CSMD3: variants seen among roughly 807,000 people sequenced by gnomAD.
The protein encoded by CSMD3 is CUB and Sushi multiple domains 3, also known as CUB and sushi domain-containing protein 3.
A neutral mutation model predicts 435.2 loss-of-function variants in CSMD3; 177 were observed. The ratio of observed to expected loss-of-function variants is 0.41; its 90% CI spans 0.36 to 0.46. The LOEUF (loss-of-function observed/expected upper bound fraction) is 0.46. CSMD3 is among the 20% of genes least tolerant of loss of function. The pLI, the probability that CSMD3 is intolerant of heterozygous loss-of-function variation, is 0.34. For missense variants in CSMD3, 4,265 were observed against 4,504.6 expected, an observed-to-expected ratio of 0.95 and a Z score of 1.52; for synonymous variants, 1,656 against 1,520.5, an observed-to-expected ratio of 1.09 and a Z score of -2.07.
intron 4 of CSMD3, among the ~76,000 whole-genome samples, chr8:113,123,539 A>T (rs991735218): frequency 2.0e-5 from 3 of 152,032 alleles, no homozygotes; most frequent in African/African-American, 7.2e-5. Flanking sequence ...GTAGAAAACT[A>T]AGTTGGTCAC....
intron 20 of CSMD3, among the ~76,000 whole-genome samples, chr8:112,643,004 G>GA (rs2074876859): frequency 6.6e-6 from 1 of 152,128 alleles, no homozygotes; most frequent in Admixed American, 6.6e-5. Flanking sequence ...TGATGAACAT[G>GA]AAAATATTAT....
At chr8:112,257,989 C>T (rs918500238) in intron 61 of CSMD3, among the ~76,000 whole-genome samples, 2 of 152,142 alleles carry the variant, frequency 1.3e-5, no homozygotes, top group African/African-American at 2.4e-5. Flanking sequence ...CATCTACAAC[C>T]ATCCAATCTT....
chr8:112,828,712 T>A (rs151310610), intron 12 of CSMD3, among the ~76,000 whole-genome samples: 50 of 152,286 alleles, frequency 3.3e-4, no homozygotes, highest in African/African-American at 1.1e-3. Flanking sequence ...GGCCCATTTG[T>A]CCATCACACC....
intron 1 of CSMD3, among the ~76,000 whole-genome samples, chr8:113,374,732 TTTAA>T (rs1285738080): frequency 6.6e-6 from 1 of 151,094 alleles, no homozygotes; most frequent in Non-Finnish European, 1.5e-5. Context: ...CAGTTGTCGC[TTTAA>T]TTATCTAACT....
rs962508904 is a variant in CSMD3, at chr8:112,652,018, T to C, written c.3005-1669A>G. Among the ~76,000 whole-genome samples, 4 of 152,230 alleles carry C rather than the reference T, an allele frequency of 2.6e-5. No homozygotes were observed. The East Asian group carries it at 7.7e-4, about 29-fold the overall frequency. On this transcript the variant is annotated intron_variant, in intron 18 of 70. Coordinates refer to ENST00000297405, the MANE Select transcript of CSMD3 (RefSeq NM_198123.2). ...CAATAACATTTAGCATGTTTTTCAG[T>C]ATCTTTCATCTCCAATTTATTCTAT...
intron 63 of CSMD3, among the ~76,000 whole-genome samples, chr8:112,249,805 T>C (rs937987388): frequency 6.6e-6 from 1 of 152,016 alleles, no homozygotes; most frequent in Admixed American, 6.6e-5. Flanking sequence ...AACTTTCCTT[T>C]CCTAGCTCTT....
chr8:113,162,560 C>T (rs1169933447), intron 4 of CSMD3, among the ~76,000 whole-genome samples: 2 of 145,348 alleles, frequency 1.4e-5, no homozygotes, highest in South Asian at 2.2e-4. Context: ...AGTGAAACTC[C>T]GTCCCCACAT....
intron 1 of CSMD3, among the ~76,000 whole-genome samples, chr8:113,337,371 T>TGAC (rs2094084379): frequency 6.6e-6 from 1 of 151,976 alleles, no homozygotes; most frequent in South Asian, 2.1e-4. Context: ...TTAATAAGGG[T>TGAC]GACAAGAAAA....
chr8:112,616,725 C>T (rs1451440060), intron 22 of CSMD3, among the ~76,000 whole-genome samples: 1 of 152,072 alleles, frequency 6.6e-6, no homozygotes, highest in Non-Finnish European at 1.5e-5. Flanking sequence ...CCAAACAGGC[C>T]AGATGGCAGA....
At chr8:112,802,615 GGA>G (rs538740720) in intron 12 of CSMD3, among the ~76,000 whole-genome samples, 108 of 151,880 alleles carry the variant, frequency 7.1e-4, no homozygotes, top group Middle Eastern at 3.4e-3. Context: ...TCCATTTTAT[GGA>G]GAGCTTTTAC....
intron 16 of CSMD3, among the ~76,000 whole-genome samples, chr8:112,672,322 T>C (rs2075676314): frequency 1.3e-5 from 2 of 152,092 alleles, no homozygotes; most frequent in African/African-American, 4.8e-5. Flanking sequence ...TTACAACTTA[T>C]TATTAGTGGA....
At chr8:112,244,027 T>C (rs1451472920) in intron 65 of CSMD3, among the ~76,000 whole-genome samples, 1 of 152,150 alleles carries the variant, frequency 6.6e-6, no homozygotes, top group Admixed American at 6.6e-5. Context: ...CACAAGGTCC[T>C]GCTGACACCT....
intron 32 of CSMD3, among the ~76,000 whole-genome samples, chr8:112,456,012 GC>G (rs1816804558): frequency 9.6e-6 from 1 of 104,416 alleles, no homozygotes; most frequent in African/African-American, 3.7e-5. Flanking sequence ...AACCACACTA[GC>G]CCTATACTCT....
intron 9 of CSMD3, among the ~76,000 whole-genome samples, chr8:112,928,511 C>T (rs1468494915): frequency 6.6e-6 from 1 of 152,082 alleles, no homozygotes; most frequent in African/African-American, 2.4e-5. Flanking sequence ...CTGTTCAATT[C>T]CCACCTATGA....
chr8:113,049,846 C>A (rs2088010232), intron 5 of CSMD3, among the ~76,000 whole-genome samples: 1 of 152,056 alleles, frequency 6.6e-6, no homozygotes. Flanking sequence ...TGTATGCTAT[C>A]CATATCCATA....
At chr8:112,538,550 C>A (rs141804533) in intron 27 of CSMD3, among the ~76,000 whole-genome samples, 2 of 151,446 alleles carry the variant, frequency 1.3e-5, no homozygotes, top group South Asian at 4.2e-4. Flanking sequence ...TTTTTATATA[C>A]GAATAACAAA....
intron 32 of CSMD3, among the ~76,000 whole-genome samples, chr8:112,411,140 G>A: frequency 1.1e-5 from 1 of 91,950 alleles, no homozygotes; most frequent in South Asian, 3.3e-4. Context: ...TTTTTTTTTT[G>A]CCTTTAGGCC....
At chr8:112,443,411 A>G (rs1815257906) in intron 32 of CSMD3, among the ~76,000 whole-genome samples, 1 of 152,202 alleles carries the variant, frequency 6.6e-6, no homozygotes, top group African/African-American at 2.4e-5. Context: ...TTATAGATAA[A>G]AGACTATATT....
intron 13 of CSMD3, among the ~76,000 whole-genome samples, chr8:112,793,576 A>G (rs1447667887): frequency 6.6e-6 from 1 of 152,184 alleles, no homozygotes; most frequent in East Asian, 1.9e-4. Flanking sequence ...CAAATCTGGA[A>G]GCTCCCAAAA....
Sources: gnomAD v4.1 joint callset for allele counts (sites outside exome capture counted in the v4.1 genomes callset) on GRCh38, gnomAD v4.1.1 for gene constraint, MANE v1.5 for transcripts, NCBI Gene and HGNC (gene_info 2026-07-23, HGNC 2026-07-21) for gene names.